UBE2E1: variants seen among roughly 807,000 people sequenced by gnomAD.
UBE2E1 encodes ubiquitin conjugating enzyme E2 E1, also known as ubiquitin-conjugating enzyme E2 E1.
Under a neutral mutation model 21.4 loss-of-function variants are expected in UBE2E1, and 6 were observed. That is an observed-to-expected ratio of 0.28 (90% CI 0.15 to 0.55). The LOEUF (loss-of-function observed/expected upper bound fraction) is 0.55, where lower values mean the gene tolerates loss of function less well. Ranked by LOEUF, UBE2E1 falls within the 20% of genes least tolerant of loss-of-function variation. UBE2E1 has a pLI of 0.93. For synonymous variants in UBE2E1, 87 were observed against 82.7 expected (o/e 1.05, Z -0.28); for missense variants, 142 against 236.5 (o/e 0.60, Z 2.62).
intron 4 of UBE2E1, among the ~76,000 whole-genome samples, chr3:23,888,064 G>C (rs957293866): frequency 2.0e-5 from 3 of 152,164 alleles, no homozygotes; most frequent in Non-Finnish European, 4.4e-5. Flanking sequence ...CCAGCTACTT[G>C]GGAGGATTGT....
At chr3:23,821,108 G>A (rs1418695416) in intron 3 of UBE2E1, among the ~76,000 whole-genome samples, 2 of 152,246 alleles carry the variant, frequency 1.3e-5, no homozygotes, top group African/African-American at 4.8e-5. Context: ...TTCTGTAGGT[G>A]ACTAAAACAG....
At chr3:23,888,400 C>CT in intron 4 of UBE2E1, 1 of 346,754 alleles carries the variant, frequency 2.9e-6, no homozygotes, top group Non-Finnish European at 5.8e-6. Flanking sequence ...TCGAAAGTCA[C>CT]TTTTTTAAAA....
intron 5 of UBE2E1, chr3:23,889,650 T>A (rs72627060): frequency 1.0e-6 from 1 of 985,368 alleles, no homozygotes; most frequent in Non-Finnish European, 1.2e-6. Flanking sequence ...TGAGCATGTG[T>A]CCCATAGCTG....
At chr3:23,865,121 T>G (rs1700627369) in intron 3 of UBE2E1, among the ~76,000 whole-genome samples, 1 of 152,238 alleles carries the variant, frequency 6.6e-6, no homozygotes, top group African/African-American at 2.4e-5. Context: ...CTGAGCCCTC[T>G]GCTCAGGGTC....
At chr3:23,868,105 C>T (rs1157210678) in intron 3 of UBE2E1, among the ~76,000 whole-genome samples, 1 of 152,132 alleles carries the variant, frequency 6.6e-6, no homozygotes, top group Admixed American at 6.5e-5. Flanking sequence ...AAAAGATCTC[C>T]CCTCAGTTCC....
Position 23,876,217 on chromosome 3 carries a change from C to T in UBE2E1, c.204-11350C>T, listed in dbSNP as rs1008518027. Among the ~76,000 whole-genome samples the T allele has an allele frequency of 6.6e-6, 1 of 152,324 alleles. No homozygotes were observed. Among genetic ancestry groups the T allele is most frequent in the Non-Finnish European group, 1.5e-5 (1 of 68,034 alleles). On this transcript the variant is annotated intron_variant, in intron 3 of 5. Transcript: ENST00000306627. This position sits in a 1 kb window ranked among gnomAD's most constrained non-coding sequence, Gnocchi z 4.3. ...GAGCCTCTTCCTTTCCTCTTCCCCT[C>T]ACCTTAGGTGAGGAAGCCTTCTAAC...
intron 3 of UBE2E1, among the ~76,000 whole-genome samples, chr3:23,843,758 A>G (rs989981593): frequency 1.3e-5 from 2 of 152,166 alleles, no homozygotes; most frequent in African/African-American, 4.8e-5. Context: ...TGACCCTCAG[A>G]TGTATTCTAG....
chr3:23,883,454 C>T (rs1052500450), intron 3 of UBE2E1, among the ~76,000 whole-genome samples: 15 of 152,102 alleles, frequency 9.9e-5, no homozygotes, highest in African/African-American at 3.6e-4. Context: ...GACTGCCTGC[C>T]CACTTTGTAG....
chr3:23,806,425 G>A lies in UBE2E1; in HGVS notation c.-34+337G>A, dbSNP rs1193565836. 2.0e-5 allele frequency among the ~76,000 whole-genome samples: 3 copies of A among 151,736 alleles called. No individual in the cohort carries two copies. Among genetic ancestry groups the A allele is most frequent in the African/African-American group, 7.2e-5 (3 of 41,382 alleles). Reference sequence around the variant, plus strand: ...GGTGGGAGGGAGTTGGGGGAGCCCCGTTTTCCCCAGGGGCGGGGGTTCGCG... The same window carrying A: ...GGTGGGAGGGAGTTGGGGGAGCCCCATTTTCCCCAGGGGCGGGGGTTCGCG... On this transcript the variant is annotated intron_variant, in intron 1 of 5. Transcript: ENST00000306627. The surrounding 1 kb of genome is among the most constrained non-coding windows in gnomAD (Gnocchi z 6.5).
intron 3 of UBE2E1, among the ~76,000 whole-genome samples, chr3:23,834,080 A>T (rs988408523): frequency 3.9e-5 from 6 of 152,266 alleles, no homozygotes; most frequent in African/African-American, 1.4e-4. Context: ...GAAATAAAAT[A>T]AAACTTCAAG....
rs55941535 is a variant in UBE2E1, at chr3:23,842,198, GGTGT to G, written c.203+30736_203+30739del. On this transcript the variant is annotated intron_variant, in intron 3 of 5. Transcript: ENST00000306627. The surrounding 1 kb of genome is among the most constrained non-coding windows in gnomAD (Gnocchi z 4.6). The stretch of plus-strand genomic sequence containing the variant: ...TATGTCATGACCCAGTAAGTGAAGG[GGTGT>G]GTGTGTGTGTGTGTGTGTGTGTGTG... Among the ~76,000 whole-genome samples, 808 of 104,312 alleles carry G rather than the reference GGTGT, an allele frequency of 7.7e-3. 6 individuals carry two copies. The highest frequency in any genetic ancestry group is 0.02 in the African/African-American group (560 of 27,676). The allele number at this position is 104,312 out of a possible 152,430, so 68.4% of individuals were successfully genotyped here.
intron 3 of UBE2E1, among the ~76,000 whole-genome samples, chr3:23,871,602 C>T (rs1424466873): frequency 1.3e-5 from 2 of 151,536 alleles, no homozygotes; most frequent in Admixed American, 1.3e-4. Flanking sequence ...CAGAGAGGCT[C>T]CTCACTTCTC....
At chr3:23,807,667 G>C (rs948098047) in intron 2 of UBE2E1, 1 of 382,972 alleles carries the variant, frequency 2.6e-6, no homozygotes, top group Non-Finnish European at 4.6e-6. Flanking sequence ...AAGATTCCTC[G>C]TTACTTTTAT....
At position 23,810,561 on chromosome 3, in the gene UBE2E1, C is replaced by CGTGCGGGGCGGAGGCAGG; in HGVS notation, c.153-896_153-879dup. On this transcript the variant is annotated intron_variant, in intron 2 of 5. Coordinates refer to ENST00000306627, the MANE Select transcript of UBE2E1 (RefSeq NM_003341.5). This position sits in a 1 kb window ranked among gnomAD's most constrained non-coding sequence, Gnocchi z 5.8. ...GAGGTGGGCCGAGAGTCCCGGCCAG[C>CGTGCGGGGCGGAGGCAGG]GTGCGGGGCGGAGGCAGGGTCCGGT... 6.6e-7 allele frequency: 1 copy of CGTGCGGGGCGGAGGCAGG among 1,522,632 alleles called. No individual in the cohort carries two copies. Among genetic ancestry groups the CGTGCGGGGCGGAGGCAGG allele is most frequent in the Non-Finnish European group, 8.8e-7 (1 of 1,138,304 alleles). The allele number at this position is 1,522,632 out of a possible 1,614,324, so 94.3% of individuals were successfully genotyped here.
At chr3:23,871,873 C>G (rs1393731869) in intron 3 of UBE2E1, among the ~76,000 whole-genome samples, 2 of 151,722 alleles carry the variant, frequency 1.3e-5, no homozygotes, top group African/African-American at 4.8e-5. Flanking sequence ...GGCAGAGACG[C>G]TCCTCACTTT....
rs577347911 is a variant in UBE2E1, at chr3:23,842,392, C to T, written c.203+30882C>T. Among the ~76,000 whole-genome samples the T allele has an allele frequency of 6.6e-6, 1 of 152,202 alleles. No individual in the cohort carries two copies. Among genetic ancestry groups the T allele is most frequent in the African/African-American group, 2.4e-5 (1 of 41,532 alleles). On this transcript the variant is annotated intron_variant, in intron 3 of 5. Transcript: ENST00000306627. This position sits in a 1 kb window ranked among gnomAD's most constrained non-coding sequence, Gnocchi z 4.6. Reference sequence around the variant, plus strand: ...TCCTGAGTAGCTGGGATGACAGGCACATGCCACGATTCCCAGCTAATTTTT... The same window carrying T: ...TCCTGAGTAGCTGGGATGACAGGCATATGCCACGATTCCCAGCTAATTTTT...
rs781018240 is a variant in UBE2E1, at chr3:23,810,436, G to A, written c.153-1024G>A. ...GTTGGTGCGGAGGGAGAAAACTGCA[G>A]GTCTCCAGTCTATCCCCAGTGTGAG... On this transcript the variant is annotated intron_variant, in intron 2 of 5. Coordinates refer to ENST00000306627, the MANE Select transcript of UBE2E1 (RefSeq NM_003341.5). This position sits in a 1 kb window ranked among gnomAD's most constrained non-coding sequence, Gnocchi z 5.8. 12 of 1,535,314 alleles carry A rather than the reference G, an allele frequency of 7.8e-6. No homozygotes were observed. Among genetic ancestry groups the A allele is most frequent in the South Asian group, 7.1e-5 (6 of 84,056 alleles).
rs1408208914 is a variant in UBE2E1 at position 23,810,452 on chromosome 3, C to A, written c.153-1008C>A. On this transcript the variant is annotated intron_variant, in intron 2 of 5. Coordinates refer to ENST00000306627, the MANE Select transcript of UBE2E1 (RefSeq NM_003341.5). The surrounding 1 kb of genome is among the most constrained non-coding windows in gnomAD (Gnocchi z 5.8). ...AAAACTGCAGGTCTCCAGTCTATCCCCAGTGTGAGCTAGAGAGCGGACCAT... is the reference window on the plus strand; with the variant it reads ...AAAACTGCAGGTCTCCAGTCTATCCACAGTGTGAGCTAGAGAGCGGACCAT... 1 of 1,535,646 alleles carries A rather than the reference C, an allele frequency of 6.5e-7. No homozygotes were observed.
At chr3:23,827,491 C>G (rs1035303877) in intron 3 of UBE2E1, among the ~76,000 whole-genome samples, 3 of 152,168 alleles carry the variant, frequency 2.0e-5, no homozygotes, top group Non-Finnish European at 2.9e-5. Flanking sequence ...TTGTTATTCT[C>G]ATTTTATAAA....
Sources: allele counts gnomAD v4.1 joint callset (sites outside exome capture counted in the v4.1 genomes callset), GRCh38; gene constraint gnomAD v4.1.1; non-coding constraint Gnocchi (gnomAD v3.1); transcripts MANE v1.5; gene names NCBI Gene and HGNC (gene_info 2026-07-23, HGNC 2026-07-21).